PLXNA4: variants seen among roughly 807,000 people sequenced by gnomAD.
PLXNA4 encodes plexin A4, also known as plexin-A4.
Under a neutral mutation model 191.8 loss-of-function variants are expected in PLXNA4, and 44 were observed. That is an observed-to-expected ratio of 0.23 (90% CI 0.18 to 0.29). The LOEUF is 0.29. Ranked by LOEUF, PLXNA4 falls within the 10% of genes least tolerant of loss-of-function variation. PLXNA4 has a pLI of 1.00. For synonymous variants in PLXNA4, 1,082 were observed against 1,009.5 expected (o/e 1.07, Z -1.36); for missense variants, 1,800 against 2,488.8 (o/e 0.72, Z 5.89).
intron 2 of PLXNA4, among the ~76,000 whole-genome samples, chr7:132,501,901 T>A (rs1011445440): frequency 6.6e-6 from 1 of 152,158 alleles, no homozygotes; most frequent in African/African-American, 2.4e-5. Context: ...ATGGTGTGTA[T>A]GGCAAGTGTA....
Position 132,129,804 on chromosome 7 carries a change from G to C in PLXNA4, c.*675C>G, listed in dbSNP as rs1287787061. The C allele has an allele frequency of 6.5e-6, 1 of 152,774 alleles. No homozygotes were observed. The highest frequency in any genetic ancestry group is 1.5e-5 in the Non-Finnish European group (1 of 68,210). 9.5% of individuals were successfully genotyped at this position (152,774 alleles called of 1,614,324 possible). ...GGCAGGGCAGGCAGGTCCCTCTGGAGACCTGGAAAAGGACAGGAAGCCTCT... is the reference window on the plus strand; with the variant it reads ...GGCAGGGCAGGCAGGTCCCTCTGGACACCTGGAAAAGGACAGGAAGCCTCT... On this transcript the variant is annotated 3_prime_UTR_variant, in exon 32 of 32. Coordinates refer to ENST00000321063, the MANE Select transcript of PLXNA4 (RefSeq NM_020911.2).
intron 6 of PLXNA4, 123 bp downstream of exon 6, chr7:132,228,223 A>G: frequency 1.5e-6 from 2 of 1,313,820 alleles, no homozygotes; most frequent in Non-Finnish European, 2.1e-6. Flanking sequence ...CCTTCTCTTG[A>G]GCTGCTTCTG....
intron 4 of PLXNA4, among the ~76,000 whole-genome samples, chr7:132,243,447 C>T (rs1158682454): frequency 6.6e-6 from 1 of 152,180 alleles, no homozygotes; most frequent in African/African-American, 2.4e-5. Context: ...CACATCAAGT[C>T]AAGAGCCAGC....
chr7:132,545,815 T>C (rs1454507730), intron 1 of PLXNA4, among the ~76,000 whole-genome samples: 4 of 152,228 alleles, frequency 2.6e-5, no homozygotes, highest in Admixed American at 2.6e-4. Context: ...TTTGACTGAC[T>C]GACTGACACC....
At chr7:132,472,022 G>A (rs1467354234) in intron 3 of PLXNA4, among the ~76,000 whole-genome samples, 1 of 152,164 alleles carries the variant, frequency 6.6e-6, no homozygotes, top group Non-Finnish European at 1.5e-5. Flanking sequence ...TTTTCTGATG[G>A]AGTATTTCTC....
At chr7:132,509,643 C>T (rs750492463) in intron 1 of PLXNA4, among the ~76,000 whole-genome samples, 1 of 152,180 alleles carries the variant, frequency 6.6e-6, no homozygotes, top group Non-Finnish European at 1.5e-5. Flanking sequence ...TTCACCCCAA[C>T]CTTGCACAGT....
Position 132,489,350 on chromosome 7 carries a change from T to A in PLXNA4, c.1313A>T (p.Tyr438Phe), listed in dbSNP as rs202115162. The A allele has an allele frequency of 1.9e-6, 3 of 1,604,294 alleles. No individual in the cohort carries two copies. Among genetic ancestry groups the A allele is most frequent in the Non-Finnish European group, 2.6e-6 (3 of 1,171,718 alleles). Residue 438 changes from tyrosine to phenylalanine, a missense_variant, in exon 3 of 32, where the codon TAT becomes TTT. Tyr to Phe is a conservative substitution (Grantham distance 22). Coordinates refer to ENST00000321063, the MANE Select transcript of PLXNA4 (RefSeq NM_020911.2). ...GGCCAGAGAGTGGTTCTTGTAGACA[T>A]ATGCGATGACAGACGTCATGCGGTC... ...DRDRMTSVIA[Y>F]VYKNHSLAFV...
intron 3 of PLXNA4, among the ~76,000 whole-genome samples, chr7:132,317,017 G>A (rs1167290485): frequency 1.3e-5 from 2 of 152,088 alleles, no homozygotes; most frequent in Non-Finnish European, 2.9e-5. Flanking sequence ...TTGTTAAATT[G>A]GGTTGTGTGT....
At chr7:132,198,803 T>G (rs186637783) in intron 12 of PLXNA4, among the ~76,000 whole-genome samples, 167 bp from the exon 13 acceptor site, 2 of 152,296 alleles carry the variant, frequency 1.3e-5, no homozygotes, top group Non-Finnish European at 2.9e-5. Flanking sequence ...GGGTAGTAGC[T>G]TCTAGGAAAG....
intron 1 of PLXNA4, among the ~76,000 whole-genome samples, chr7:132,518,649 C>T (rs114763715): frequency 0.02 from 3,010 of 152,292 alleles, 107 homozygotes; most frequent in African/African-American, 0.067. Flanking sequence ...CTCAGCTACG[C>T]GGGGCTCCCT....
chr7:132,163,316 A>G (rs1171549544), intron 24 of PLXNA4, among the ~76,000 whole-genome samples: 1 of 152,228 alleles, frequency 6.6e-6, no homozygotes, highest in Non-Finnish European at 1.5e-5. Flanking sequence ...GTGCATGAGT[A>G]TGACGCGGGC....
At chr7:132,327,439 A>G (rs1309436732) in intron 3 of PLXNA4, among the ~76,000 whole-genome samples, 3 of 152,228 alleles carry the variant, frequency 2.0e-5, no homozygotes, top group Non-Finnish European at 2.9e-5. Flanking sequence ...TTATAAAATC[A>G]TATAACATAT....
At chr7:132,172,601 A>T (rs183135832) in intron 21 of PLXNA4, among the ~76,000 whole-genome samples, 1 of 152,108 alleles carries the variant, frequency 6.6e-6, no homozygotes, top group Non-Finnish European at 1.5e-5. Flanking sequence ...AGCAAATAAG[A>T]AAAACAGTGA....
intron 3 of PLXNA4, among the ~76,000 whole-genome samples, chr7:132,389,684 T>C (rs1805316826): frequency 6.6e-6 from 1 of 152,246 alleles, no homozygotes; most frequent in African/African-American, 2.4e-5. Context: ...TGTAGTATAG[T>C]TTGAAGTCAG....
intron 2 of PLXNA4, among the ~76,000 whole-genome samples, chr7:132,643,421 C>T (rs1358717332): frequency 6.6e-6 from 1 of 151,880 alleles, no homozygotes; most frequent in African/African-American, 2.4e-5. Flanking sequence ...ACCCCCCAGC[C>T]CCCACCCCAC....
chr7:132,631,142 C>T (rs940095123), intron 2 of PLXNA4, among the ~76,000 whole-genome samples: 5 of 152,096 alleles, frequency 3.3e-5, no homozygotes, highest in African/African-American at 9.7e-5. Context: ...AGATTTTGCC[C>T]CTGTTCCATA....
chr7:132,269,227 G>A (rs971296267), intron 4 of PLXNA4, among the ~76,000 whole-genome samples: 3 of 152,154 alleles, frequency 2.0e-5, no homozygotes, highest in Non-Finnish European at 2.9e-5. Flanking sequence ...GAATGTAGGT[G>A]TATTCATTAA....
At chr7:132,452,576 G>T (rs1233671355) in intron 3 of PLXNA4, among the ~76,000 whole-genome samples, 1 of 152,214 alleles carries the variant, frequency 6.6e-6, no homozygotes, top group African/African-American at 2.4e-5. Context: ...GCAAGATATG[G>T]TCTGAAAGGT....
chr7:132,405,463 T>A (rs1794181368), intron 3 of PLXNA4, among the ~76,000 whole-genome samples: 1 of 152,096 alleles, frequency 6.6e-6, no homozygotes, highest in South Asian at 2.1e-4. Flanking sequence ...TCCCTGGTCT[T>A]CAAGAAAAAC....
Sources: gnomAD v4.1 joint callset for allele counts (sites outside exome capture counted in the v4.1 genomes callset) on GRCh38, gnomAD v4.1.1 for gene constraint, MANE v1.5 for transcripts, NCBI Gene and HGNC (gene_info 2026-07-23, HGNC 2026-07-21) for gene names.